The following GLRX3 variants were observed in gnomAD, a reference collection of about 807,000 sequenced individuals.
GLRX3 encodes glutaredoxin 3.
A neutral mutation model predicts 49.5 loss-of-function variants in GLRX3; 22 were observed. The observed-to-expected ratio is 0.44, with a 90% CI of 0.32 to 0.63. The LOEUF is 0.63. GLRX3 is among the 30% of genes least tolerant of loss of function. The pLI, the probability that GLRX3 is intolerant of heterozygous loss-of-function variation, is 0.05. For missense variants in GLRX3, 385 were observed against 396.3 expected, an observed-to-expected ratio of 0.97 and a Z score of 0.24; for synonymous variants, 133 against 140.0, an observed-to-expected ratio of 0.95 and a Z score of 0.35.
intron 1 of GLRX3, among the ~76,000 whole-genome samples, chr10:130,143,914 G>T (rs1456292875): frequency 6.6e-6 from 1 of 152,054 alleles, no homozygotes; most frequent in East Asian, 1.9e-4. Context: ...AGCCAGGCTG[G>T]TCTCGAACTG....
At chr10:130,165,573 CG>C (rs1485591337) in intron 4 of GLRX3, among the ~76,000 whole-genome samples, 2 of 151,954 alleles carry the variant, frequency 1.3e-5, no homozygotes, top group African/African-American at 4.8e-5. Context: ...GAAAGAATAC[CG>C]TCAATCTATT....
In GLRX3 at chr10:130,175,006, G is replaced by C; in HGVS notation, c.874G>C (p.Gly292Arg). The C allele has an allele frequency of 6.2e-7, 1 of 1,607,636 alleles. No individual in the cohort carries two copies. The highest frequency in any genetic ancestry group is 8.5e-7 in the Non-Finnish European group (1 of 1,174,162). ...CCTGTTGTTTCTTTAGGTTCGGCAA[G>C]GATTAAAAGCTTACTCAAATTGGCC... ...DILEDEEVRQ[G>R]LKAYSNWPTY... The change falls in exon 10 of 11, where the codon GGA becomes CGA. Residue 292 changes from glycine to arginine, a missense_variant. Gly to Arg is a moderately radical substitution (Grantham distance 125, BLOSUM62 -2). Coordinates refer to ENST00000331244, the MANE Select transcript of GLRX3 (RefSeq NM_006541.5).
At chr10:130,159,940 A>T in intron 2 of GLRX3, 55 bp from the exon 3 acceptor site, 1 of 1,308,956 alleles carries the variant, frequency 7.6e-7, no homozygotes, top group Non-Finnish European at 1.1e-6. Context: ...TTTACATATT[A>T]AAGTAGTGAA....
chr10:130,169,295 A>G (rs1862756160), intron 6 of GLRX3, 138 bp from the exon 7 acceptor site: 2 of 627,452 alleles, frequency 3.2e-6, no homozygotes, highest in Admixed American at 2.7e-5. Flanking sequence ...ATGTCAACGC[A>G]TTTGCTTGTT....
intron 4 of GLRX3, among the ~76,000 whole-genome samples, chr10:130,163,468 A>G (rs1411885056): frequency 6.6e-6 from 1 of 152,248 alleles, no homozygotes; most frequent in Non-Finnish European, 1.5e-5. Flanking sequence ...ACGTAGTATT[A>G]TAGTTATTTA....
chr10:130,159,501 A>G (rs1314561716), intron 2 of GLRX3, among the ~76,000 whole-genome samples: 1 of 152,204 alleles, frequency 6.6e-6, no homozygotes. Flanking sequence ...ATCAGACATC[A>G]ATAGTTTATT....
At chr10:130,167,455 A>G (rs1197268515) in intron 6 of GLRX3, among the ~76,000 whole-genome samples, 2 of 152,216 alleles carry the variant, frequency 1.3e-5, no homozygotes, top group East Asian at 3.8e-4. Flanking sequence ...TTTCTAGACC[A>G]CGAGAACTTA....
chr10:130,171,998 T>C (rs533887849), intron 8 of GLRX3, among the ~76,000 whole-genome samples: 1 of 152,322 alleles, frequency 6.6e-6, no homozygotes, highest in East Asian at 1.9e-4. Flanking sequence ...ACTTTTCAGT[T>C]CTGCCACTGA....
Position 130,166,545 on chromosome 10 carries a change from A to T in GLRX3, c.517A>T (p.Asn173Tyr). Residue 173 changes from asparagine to tyrosine, a missense_variant, in exon 5 of 11, where the codon AAT (asparagine) becomes TAT (tyrosine). Transcript: ENST00000331244. ...GATGGTGGAAATTCTTCACAAACAT[A>T]ATATTCAGTTTAGCAGTTTTGATAT... Reference protein sequence around the residue: ...KQMVEILHKHNIQFSSFDIFS... With the variant: ...KQMVEILHKHYIQFSSFDIFS... 6.2e-7 allele frequency: 1 copy of T among 1,613,408 alleles called. No individual in the cohort carries two copies. The highest frequency in any genetic ancestry group is 8.5e-7 in the Non-Finnish European group (1 of 1,179,386).
chr10:130,142,832 G>A (rs564001242), intron 1 of GLRX3, among the ~76,000 whole-genome samples: 1 of 144,792 alleles, frequency 6.9e-6, no homozygotes, highest in African/African-American at 2.6e-5. Flanking sequence ...GTACCGCCTA[G>A]GACCCCTTCT....
At chr10:130,147,277 T>G (rs1564988714) in intron 2 of GLRX3, among the ~76,000 whole-genome samples, 1 of 152,228 alleles carries the variant, frequency 6.6e-6, no homozygotes, top group Non-Finnish European at 1.5e-5. Context: ...ATCATAAGAT[T>G]AATCAAGATG....
intron 4 of GLRX3, among the ~76,000 whole-genome samples, chr10:130,164,653 T>C (rs766899265): frequency 1.3e-5 from 2 of 152,254 alleles, no homozygotes; most frequent in Non-Finnish European, 2.9e-5. Flanking sequence ...AAAAAAGGTG[T>C]GTAAATATTT....
At chr10:130,150,537 C>T (rs979528677) in intron 2 of GLRX3, among the ~76,000 whole-genome samples, 8 of 152,028 alleles carry the variant, frequency 5.3e-5, no homozygotes, top group East Asian at 1.9e-4. Flanking sequence ...TTAAAATATA[C>T]GATCAAGGGT....
At chr10:130,163,181 T>A (rs936984339) in intron 4 of GLRX3, among the ~76,000 whole-genome samples, 12 of 152,134 alleles carry the variant, frequency 7.9e-5, no homozygotes, top group Admixed American at 1.3e-4. Flanking sequence ...TCCCAGCACA[T>A]TGGGAGGCTG....
At chr10:130,152,254 A>G (rs1188746756) in intron 2 of GLRX3, among the ~76,000 whole-genome samples, 2 of 152,094 alleles carry the variant, frequency 1.3e-5, no homozygotes, top group African/African-American at 4.8e-5. Flanking sequence ...CCTGACCTCA[A>G]ATGATCCACC....
chr10:130,176,006 C>T (rs1035236977), intron 10 of GLRX3, among the ~76,000 whole-genome samples: 2 of 152,202 alleles, frequency 1.3e-5, no homozygotes, highest in East Asian at 3.8e-4. Context: ...TCAGGCCTTC[C>T]TCTTGCCTCA....
chr10:130,159,960 T>C (rs1862542178), intron 2 of GLRX3, 35 bp from the exon 3 acceptor site: 1 of 1,397,952 alleles, frequency 7.2e-7, no homozygotes, highest in Non-Finnish European at 1.0e-6. Flanking sequence ...AAAAGGACCT[T>C]GTAATAATCA....
chr10:130,177,001 A>AT (rs992302489), intron 10 of GLRX3, among the ~76,000 whole-genome samples: 7 of 152,048 alleles, frequency 4.6e-5, no homozygotes, highest in Admixed American at 1.3e-4. Context: ...GTGTTATATG[A>AT]TTTTTTATGT....
At chr10:130,154,759 A>G (rs530807632) in intron 2 of GLRX3, among the ~76,000 whole-genome samples, 1 of 152,316 alleles carries the variant, frequency 6.6e-6, no homozygotes, top group East Asian at 1.9e-4. Context: ...GTCAAAATTT[A>G]TCAAACACTA....
Sources: allele counts gnomAD v4.1 joint callset (sites outside exome capture counted in the v4.1 genomes callset), GRCh38; gene constraint gnomAD v4.1.1; transcripts MANE v1.5; gene names NCBI Gene and HGNC (gene_info 2026-07-23, HGNC 2026-07-21).